Variants in THTPA observed in about 807,000 individuals in gnomAD.
THTPA encodes the protein thiamine-triphosphatase.
A neutral mutation model predicts 16.5 loss-of-function variants in THTPA; 16 were observed. The ratio of observed to expected loss-of-function variants is 0.97; its 90% CI spans 0.66 to 1.47. The LOEUF (loss-of-function observed/expected upper bound fraction) is 1.47, where lower values mean the gene tolerates loss of function less well. THTPA is among the 40% of genes most tolerant of loss of function. THTPA has a pLI of 0.00. For synonymous variants in THTPA, 110 were observed against 115.5 expected, an observed-to-expected ratio of 0.95 and a Z score of 0.30; for missense variants, 281 against 280.9, an observed-to-expected ratio of 1.00 and a Z score of 0.00.
the THTPA span, among the ~76,000 whole-genome samples, chr14:23,550,661 G>T: frequency 6.6e-6 from 1 of 152,186 alleles, no homozygotes; most frequent in Non-Finnish European, 1.5e-5. Context: ...GCTCAGAGGG[G>T]CAGACGAGCG....
At chr14:23,521,946 A>G in the THTPA span, 7 of 1,535,874 alleles carry the variant, frequency 4.6e-6, no homozygotes, top group Non-Finnish European at 6.1e-6. Flanking sequence ...CCCTCTCCCC[A>G]TCTTGGTTAA....
chr14:23,527,968 G>A, the THTPA span, among the ~76,000 whole-genome samples: 9 of 146,056 alleles, frequency 6.2e-5, no homozygotes, highest in Non-Finnish European at 1.2e-4. Context: ...GTGCAGTGAC[G>A]TGATCTCGGC....
In THTPA at chr14:23,560,039, G is replaced by C. The variant is rs369432150; in HGVS notation, c.*1199G>C. 2 of 1,592,366 alleles carry C rather than the reference G, an allele frequency of 1.3e-6. No homozygotes were observed. Among genetic ancestry groups the C allele is most frequent in the African/African-American group, 1.3e-5 (1 of 74,472 alleles). On this transcript the variant is annotated 3_prime_UTR_variant, in exon 2 of 2. Coordinates refer to ENST00000288014, the MANE Select transcript of THTPA (RefSeq NM_024328.6). ...GCCTGCAGCTGCAGCTGGAGACTCT[G>C]AACACAGGAGTTTAACAGAGCACAG...
At chr14:23,524,309 T>C in the THTPA span, 1 of 1,536,356 alleles carries the variant, frequency 6.5e-7, no homozygotes, top group Non-Finnish European at 8.7e-7. The surrounding 1 kb of genome is among the most constrained non-coding windows in gnomAD (Gnocchi z 5.6). Flanking sequence ...GTTGGAATCC[T>C]GCATGTACCA....
the THTPA span, among the ~76,000 whole-genome samples, chr14:23,518,082 C>G: frequency 6.6e-6 from 1 of 152,076 alleles, no homozygotes; most frequent in Non-Finnish European, 1.5e-5. This position sits in a 1 kb window ranked among gnomAD's most constrained non-coding sequence, Gnocchi z 4.5. Flanking sequence ...ATACATATGC[C>G]CATGGGGCCC....
At chr14:23,554,881 T>TA (rs1281146045), upstream of THTPA, among the ~76,000 whole-genome samples, 9 of 152,176 alleles carry the variant, frequency 5.9e-5, no homozygotes, top group African/African-American at 1.9e-4. Context: ...GACATATAGT[T>TA]AGAGTCTCCA....
chr14:23,559,095 T>C lies in THTPA; in HGVS notation c.*255T>C, dbSNP rs1374333436. 1.6e-5 allele frequency: 8 copies of C among 492,240 alleles called. No homozygotes were observed. The highest frequency in any genetic ancestry group is 2.6e-5 in the Non-Finnish European group (7 of 273,132). 30.5% of individuals were successfully genotyped at this position (492,240 alleles called of 1,614,324 possible). Reference sequence around the variant, plus strand: ...AGCAGCCTCCATTGATTTCCGCTCGTGTTTATAGGATTTCCACTTAGCCGT... The same window carrying C: ...AGCAGCCTCCATTGATTTCCGCTCGCGTTTATAGGATTTCCACTTAGCCGT... On this transcript the variant is annotated 3_prime_UTR_variant, in exon 2 of 2. Coordinates refer to ENST00000288014, the MANE Select transcript of THTPA (RefSeq NM_024328.6).
the THTPA span, chr14:23,534,942 C>G: frequency 8.5e-6 from 13 of 1,536,180 alleles, no homozygotes; most frequent in South Asian, 7.1e-5. The surrounding 1 kb of genome is among the most constrained non-coding windows in gnomAD (Gnocchi z 4.5). Flanking sequence ...CTGGCAGGGA[C>G]AGCTTGGCCA....
Position 23,556,808 on chromosome 14 carries a change from C to T in THTPA, c.51C>T (p.Gly17=). ...EVERKFLPGP[G]TEERLQELGG... ...AGCGAAAGTTCCTTCCAGGGCCTGGCACAGAGGAGCGGCTGCAGGAGTTGG... is the reference window on the plus strand; with the variant it reads ...AGCGAAAGTTCCTTCCAGGGCCTGGTACAGAGGAGCGGCTGCAGGAGTTGG... The change falls in exon 1 of 2, where the codon GGC becomes GGT. Residue 17 remains glycine, a synonymous_variant. Transcript: ENST00000288014. 1.9e-6 allele frequency: 3 copies of T among 1,613,568 alleles called. No homozygotes were observed. In the South Asian group the frequency reaches 3.3e-5, roughly 18 times the overall value.
At chr14:23,527,076 G>T in the THTPA span, 18 of 1,388,444 alleles carry the variant, frequency 1.3e-5, no homozygotes, top group African/African-American at 2.5e-4. Flanking sequence ...GAGATCCCTT[G>T]CCACAGATCC....
the THTPA span, chr14:23,523,968 G>A: frequency 1.3e-6 from 2 of 1,532,172 alleles, no homozygotes; most frequent in Admixed American, 2.0e-5. This position sits in a 1 kb window ranked among gnomAD's most constrained non-coding sequence, Gnocchi z 4.1. Context: ...GGTGGCTCTG[G>A]TGTTGGGGTG....
the THTPA span, chr14:23,529,540 C>G: frequency 5.8e-5 from 39 of 673,724 alleles, no homozygotes; most frequent in Non-Finnish European, 9.7e-5. Flanking sequence ...CAGCTCTGCC[C>G]CCGAAAGTGC....
At position 23,558,844 on chromosome 14, in the gene THTPA, T is replaced by C; in HGVS notation, c.*4T>C. The C allele has an allele frequency of 1.9e-6, 3 of 1,613,648 alleles. No homozygotes were observed. The highest frequency in any genetic ancestry group is 2.5e-6 in the Non-Finnish European group (3 of 1,179,800). On this transcript the variant is annotated 3_prime_UTR_variant, in exon 2 of 2. Transcript: ENST00000288014. ...TCCTGACCACTGCCTGGGCTAGGGG[T>C]GTCACTTCCTAGAAGGGGAAGGGAA...
chr14:23,521,549 T>A, the THTPA span: 1 of 162,684 alleles, frequency 6.1e-6, no homozygotes, highest in Admixed American at 6.3e-5. Context: ...TGGAACATCA[T>A]GGGATAACGT....
chr14:23,530,393 G>A, the THTPA span: 1 of 693,996 alleles, frequency 1.4e-6, no homozygotes, highest in Non-Finnish European at 2.6e-6. Context: ...TATTAGAACT[G>A]GTAGGGCCTA....
At chr14:23,525,196 G>A in the THTPA span, 6 of 1,536,132 alleles carry the variant, frequency 3.9e-6, no homozygotes, top group Non-Finnish European at 4.4e-6. This position sits in a 1 kb window ranked among gnomAD's most constrained non-coding sequence, Gnocchi z 5.9. Flanking sequence ...TCCCTCTGGA[G>A]CTTTCTTCCT....
chr14:23,553,957 A>T (rs7342546), upstream of THTPA, among the ~76,000 whole-genome samples: 39 of 144,908 alleles, frequency 2.7e-4, no homozygotes, highest in African/African-American at 1.0e-3. Context: ...CCAACTACTC[A>T]GGAGGCTGAG....
At chr14:23,530,505 A>G in the THTPA span, 2 of 566,282 alleles carry the variant, frequency 3.5e-6, no homozygotes, top group Non-Finnish European at 6.6e-6. Flanking sequence ...TAAATGACCC[A>G]GGAAATGGGA....
At chr14:23,519,152 A>G in the THTPA span, among the ~76,000 whole-genome samples, 1 of 152,000 alleles carries the variant, frequency 6.6e-6, no homozygotes, top group African/African-American at 2.4e-5. Flanking sequence ...ATGTTGCGTG[A>G]CAAGAGGAGG....
Sources: gnomAD v4.1 joint callset for allele counts (sites outside exome capture counted in the v4.1 genomes callset) on GRCh38, gnomAD v4.1.1 for gene constraint, Gnocchi (gnomAD v3.1) non-coding constraint, MANE v1.5 for transcripts, NCBI Gene and HGNC (gene_info 2026-07-23, HGNC 2026-07-21) for gene names.